Variants in MYLK4 observed in about 807,000 individuals in gnomAD.
MYLK4 encodes myosin light chain kinase family member 4.
A neutral mutation model predicts 48.1 loss-of-function variants in MYLK4; 46 were observed. The ratio of observed to expected loss-of-function variants is 0.96; its 90% confidence interval spans 0.75 to 1.22. The LOEUF is 1.22. Among genes scored for constraint, MYLK4 ranks in the 50% most tolerant of loss-of-function variants. The pLI, the probability that MYLK4 is intolerant of heterozygous loss-of-function variation, is 0.00. For missense variants in MYLK4, 451 were observed against 486.1 expected, an observed-to-expected ratio of 0.93 and a Z score of 0.68; for synonymous variants, 170 against 180.8, an observed-to-expected ratio of 0.94 and a Z score of 0.48.
rs1268030833 is a variant in MYLK4, at chr6:2,675,033, G to C, written c.1119+14C>G. The C allele has an allele frequency of 6.2e-7, 1 of 1,602,764 alleles. No individual in the cohort carries two copies. The highest frequency in any genetic ancestry group is 8.5e-7 in the Non-Finnish European group (1 of 1,169,660). Reference sequence around the variant, plus strand: ...GACAGGAGAAAAAGAGGAAGAGCAAGAAGCCGTGGTCACCTGGGCATTGAG... The same window carrying C: ...GACAGGAGAAAAAGAGGAAGAGCAACAAGCCGTGGTCACCTGGGCATTGAG... On this transcript the variant is annotated intron_variant, in intron 11 of 12. Coordinates refer to ENST00000274643, the MANE Select transcript of MYLK4 (RefSeq NM_001012418.5).
intron 4 of MYLK4, among the ~76,000 whole-genome samples, chr6:2,687,056 T>A (rs1761585322): frequency 6.6e-6 from 1 of 152,166 alleles, no homozygotes; most frequent in Non-Finnish European, 1.5e-5. Context: ...GATAACCTTA[T>A]GCTCATTGAA....
intron 9 of MYLK4, among the ~76,000 whole-genome samples, chr6:2,678,792 C>A (rs1761184035): frequency 6.7e-6 from 1 of 149,236 alleles, no homozygotes; most frequent in Non-Finnish European, 1.5e-5. Context: ...TTCACTGCAA[C>A]CTCCACCTCC....
the MYLK4 span, chr6:2,765,678 A>C: frequency 6.4e-7 from 1 of 1,553,268 alleles, no homozygotes; most frequent in Non-Finnish European, 8.6e-7. Context: ...CACCAGGTGC[A>C]GTGCCCCGTG....
intron 2 of MYLK4, among the ~76,000 whole-genome samples, chr6:2,724,934 T>C (rs190433136): frequency 2.4e-4 from 36 of 152,340 alleles, no homozygotes; most frequent in South Asian, 1.7e-3. Context: ...ACGGATCACC[T>C]GAGGTCAGGA....
chr6:2,700,604 C>T (rs1267967829), intron 2 of MYLK4, among the ~76,000 whole-genome samples: 2 of 152,100 alleles, frequency 1.3e-5, no homozygotes, highest in African/African-American at 4.8e-5. Context: ...TTATCCTCCA[C>T]CCAGGGATAC....
intron 2 of MYLK4, among the ~76,000 whole-genome samples, chr6:2,695,529 C>A (rs376984962): frequency 6.6e-6 from 1 of 152,146 alleles, no homozygotes; most frequent in African/African-American, 2.4e-5. Flanking sequence ...AGCCAGCTTC[C>A]AAGAGAGGTT....
the MYLK4 span, among the ~76,000 whole-genome samples, chr6:2,761,336 G>T: frequency 6.6e-6 from 1 of 152,132 alleles, no homozygotes; most frequent in East Asian, 1.9e-4. Context: ...CATTTCCTGG[G>T]ACCTTATACT....
chr6:2,749,783 G>A (rs1055517418), intron 1 of MYLK4, among the ~76,000 whole-genome samples: 2 of 152,098 alleles, frequency 1.3e-5, no homozygotes, highest in South Asian at 4.2e-4. Flanking sequence ...TATCACAGAA[G>A]GGGTCTCTCT....
chr6:2,746,109 A>AT (rs1238616652), intron 2 of MYLK4, among the ~76,000 whole-genome samples: 5 of 23,134 alleles, frequency 2.2e-4, no homozygotes, highest in East Asian at 1.0e-3. Flanking sequence ...AAAAAAATAT[A>AT]AAAAAAAATG....
chr6:2,678,910 G>A (rs908237727), intron 9 of MYLK4, among the ~76,000 whole-genome samples: 3 of 152,052 alleles, frequency 2.0e-5, no homozygotes, highest in Non-Finnish European at 4.4e-5. Flanking sequence ...CACCATGTTG[G>A]CCAGGATGGT....
chr6:2,746,163 A>G (rs1764087649), intron 2 of MYLK4, among the ~76,000 whole-genome samples: 1 of 151,850 alleles, frequency 6.6e-6, no homozygotes, highest in South Asian at 2.1e-4. Flanking sequence ...GCTACTCAGG[A>G]GGCTAAGGCA....
At chr6:2,764,932 T>C in the MYLK4 span, among the ~76,000 whole-genome samples, 1,852 of 152,358 alleles carry the variant, frequency 0.012, 27 homozygotes, top group South Asian at 0.061. Flanking sequence ...ACTGGTTTTC[T>C]ATTGGAGGCT....
intron 11 of MYLK4, 91 bp downstream of exon 11, chr6:2,674,956 A>T: frequency 1.1e-6 from 1 of 870,944 alleles, no homozygotes; most frequent in Non-Finnish European, 1.9e-6. Flanking sequence ...ATGAGAAAGA[A>T]TCTTATTTAA....
chr6:2,713,019 CAA>C (rs892552376), intron 2 of MYLK4, among the ~76,000 whole-genome samples: 2 of 152,116 alleles, frequency 1.3e-5, no homozygotes, highest in Non-Finnish European at 2.9e-5. Context: ...CCATTGGATC[CAA>C]AGATTATTGT....
the MYLK4 span, among the ~76,000 whole-genome samples, chr6:2,762,712 C>T: frequency 5.9e-5 from 9 of 152,358 alleles, no homozygotes; most frequent in East Asian, 7.7e-4. Flanking sequence ...CTCACGGAAA[C>T]TGTTAACAGT....
the MYLK4 span, chr6:2,766,248 A>G: frequency 6.7e-7 from 1 of 1,489,082 alleles, no homozygotes; most frequent in South Asian, 1.3e-5. Context: ...GGCCGCCCGC[A>G]CCCCCGGGCG....
Position 2,736,970 on chromosome 6 carries a change from G to A in MYLK4, c.159+12166C>T, listed in dbSNP as rs115522642. 8.9e-4 allele frequency among the ~76,000 whole-genome samples: 136 copies of A among 152,304 alleles called. 1 individual carries two copies. The highest frequency in any genetic ancestry group is 3.0e-3 in the African/African-American group (123 of 41,580). On this transcript the variant is annotated intron_variant, in intron 2 of 12. Coordinates refer to ENST00000274643, the MANE Select transcript of MYLK4 (RefSeq NM_001012418.5). ...TGGCTCTCATGACATACTGAGTTGCGTTCCTCCAATAAAATAGTCTCTGCC... is the reference window on the plus strand; with the variant it reads ...TGGCTCTCATGACATACTGAGTTGCATTCCTCCAATAAAATAGTCTCTGCC...
chr6:2,746,221 C>A (rs1428854170), intron 2 of MYLK4, among the ~76,000 whole-genome samples: 3 of 151,488 alleles, frequency 2.0e-5, no homozygotes, highest in Non-Finnish European at 4.4e-5. Context: ...GAGCTGAGAT[C>A]GCACCACTGC....
the MYLK4 span, among the ~76,000 whole-genome samples, chr6:2,763,340 T>C: frequency 1.3e-5 from 2 of 152,240 alleles, no homozygotes; most frequent in African/African-American, 4.8e-5. Flanking sequence ...GAGCCTGCAT[T>C]GCTCAGCTCT....
Sources: allele counts gnomAD v4.1 joint callset (sites outside exome capture counted in the v4.1 genomes callset), GRCh38; gene constraint gnomAD v4.1.1; transcripts MANE v1.5; gene names NCBI Gene and HGNC (gene_info 2026-07-23, HGNC 2026-07-21).